Variants in TDRD12 observed in about 807,000 individuals in gnomAD.
TDRD12 encodes tudor domain containing 12, also known as putative ATP-dependent RNA helicase TDRD12.
Under a neutral mutation model 133.5 loss-of-function variants are expected in TDRD12, and 158 were observed. The ratio of observed to expected loss-of-function variants is 1.18; its 90% CI spans 1.04 to 1.35. TDRD12 has a LOEUF of 1.35. Ranked by LOEUF, TDRD12 falls within the 40% of genes most tolerant of loss-of-function variation. The probability of loss-of-function intolerance (pLI) is 0.00; values close to 1 mark genes in which losing one functional copy is unlikely to be tolerated. For synonymous variants in TDRD12, 460 were observed against 477.9 expected (o/e 0.96, Z 0.49); for missense variants, 1,443 against 1,321.3 (o/e 1.09, Z -1.43).
At chr19:32,738,146 TAAAG>T (rs756377265) in intron 2 of TDRD12, among the ~76,000 whole-genome samples, 117 of 151,808 alleles carry the variant, frequency 7.7e-4, no homozygotes, top group Non-Finnish European at 1.2e-3. Flanking sequence ...TCAAAAAAAA[TAAAG>T]AGTCATGGGT....
intron 8 of TDRD12, among the ~76,000 whole-genome samples, chr19:32,761,105 C>A (rs890676461): frequency 6.6e-6 from 1 of 151,956 alleles, no homozygotes; most frequent in African/African-American, 2.4e-5. Context: ...TTAGAGAAGA[C>A]GTTTCTTGTT....
chr19:32,763,365 C>T (rs771332150), intron 8 of TDRD12, among the ~76,000 whole-genome samples: 3 of 152,156 alleles, frequency 2.0e-5, no homozygotes, highest in Non-Finnish European at 2.9e-5. Context: ...TTGGGCTGCA[C>T]GCTTCTCAGG....
exon 13 of TDRD12, chr19:32,790,994 G>A (rs558477595): frequency 5.9e-6 from 9 of 1,536,082 alleles, no homozygotes; most frequent in African/African-American, 2.7e-5. Context: ...GCAGCCGCCC[G>A]TGGTAGTGCT....
chr19:32,790,909 C>G (rs1334999252), intron 12 of TDRD12, 55 bp from the exon 13 acceptor site: 1 of 1,513,656 alleles, frequency 6.6e-7, no homozygotes, highest in Non-Finnish European at 8.8e-7. Context: ...TTCTTGATCT[C>G]CTGTGCTGAC....
At chr19:32,720,622 A>C (rs1458095044) in intron 1 of TDRD12, among the ~76,000 whole-genome samples, 1 of 13,628 alleles carries the variant, frequency 7.3e-5, no homozygotes, top group African/African-American at 4.3e-4. Context: ...ATCGCTGCCC[A>C]CCCCACAGTC....
At chr19:32,797,836 A>G (rs769752571) in exon 15 of TDRD12, 22 of 702,522 alleles carry the variant, frequency 3.1e-5, no homozygotes, top group South Asian at 2.5e-4. Flanking sequence ...ATCCTGTGCT[A>G]TTAACAATTG....
chr19:32,824,967 T>C (rs1290223216), downstream of TDRD12, among the ~76,000 whole-genome samples: 1 of 152,146 alleles, frequency 6.6e-6, no homozygotes, highest in Non-Finnish European at 1.5e-5. Flanking sequence ...AGCGGTGTCT[T>C]GTTCTTGTTC....
intron 3 of TDRD12, among the ~76,000 whole-genome samples, chr19:32,741,769 CA>C (rs1168268518): frequency 2.6e-5 from 4 of 152,190 alleles, no homozygotes; most frequent in Non-Finnish European, 5.9e-5. Flanking sequence ...GTTTTTCGGC[CA>C]GGGGTGGTGG....
At chr19:32,789,296 C>G (rs1309144554) in intron 11 of TDRD12, among the ~76,000 whole-genome samples, 1 of 152,318 alleles carries the variant, frequency 6.6e-6, no homozygotes, top group East Asian at 1.9e-4. Flanking sequence ...AATATTGTCT[C>G]TAAAACATAG....
At chr19:32,803,443 T>C (rs1317437736) in intron 21 of TDRD12, among the ~76,000 whole-genome samples, 1 of 152,234 alleles carries the variant, frequency 6.6e-6, no homozygotes, top group Non-Finnish European at 1.5e-5. Flanking sequence ...TGTGTATCTA[T>C]GGTTTGTTTT....
intron 1 of TDRD12, among the ~76,000 whole-genome samples, chr19:32,723,320 G>A (rs979898117): frequency 2.7e-5 from 4 of 150,788 alleles, no homozygotes; most frequent in South Asian, 2.1e-4. Context: ...GTGTGATCTC[G>A]GCACAGTGCA....
intron 9 of TDRD12, 60 bp downstream of exon 32, chr19:32,826,809 C>A (rs1436591761): frequency 2.9e-6 from 3 of 1,049,574 alleles, no homozygotes; most frequent in Non-Finnish European, 3.6e-6. Context: ...GTGAGGGACA[C>A]CATCACCCAC....
intron 1 of TDRD12, among the ~76,000 whole-genome samples, chr19:32,721,531 G>T (rs952503290): frequency 1.3e-5 from 2 of 151,298 alleles, no homozygotes; most frequent in Non-Finnish European, 2.9e-5. Context: ...GATTACAGGT[G>T]CCTGCCACCA....
At chr19:32,751,778 C>G (rs192864290) in intron 6 of TDRD12, among the ~76,000 whole-genome samples, 50 of 152,104 alleles carry the variant, frequency 3.3e-4, no homozygotes, top group African/African-American at 1.1e-3. Flanking sequence ...AGGCTGGTCT[C>G]AACAGGCAGT....
chr19:32,724,675 C>T (rs1361433134), intron 1 of TDRD12, among the ~76,000 whole-genome samples: 1 of 152,116 alleles, frequency 6.6e-6, no homozygotes, highest in Non-Finnish European at 1.5e-5. Flanking sequence ...ACTAGTGCTA[C>T]AGTGAACATA....
At chr19:32,751,118 C>G (rs1240424817) in intron 6 of TDRD12, among the ~76,000 whole-genome samples, 2 of 149,342 alleles carry the variant, frequency 1.3e-5, no homozygotes, top group African/African-American at 5.0e-5. Flanking sequence ...TCCCCACCCC[C>G]CGACAGGCCC....
At chr19:32,785,055 T>A (rs1053527402) in intron 11 of TDRD12, among the ~76,000 whole-genome samples, 7 of 152,240 alleles carry the variant, frequency 4.6e-5, no homozygotes, top group African/African-American at 1.7e-4. Flanking sequence ...CTTGCTTCTC[T>A]AGTTCTCTTA....
intron 1 of TDRD12, among the ~76,000 whole-genome samples, chr19:32,721,650 G>A (rs1339785790): frequency 6.6e-6 from 1 of 150,928 alleles, no homozygotes; most frequent in East Asian, 1.9e-4. Context: ...AAAGTGCTGG[G>A]ATTACAGGCG....
chr19:32,751,943 A>G (rs1041844195), intron 6 of TDRD12, among the ~76,000 whole-genome samples: 2 of 151,870 alleles, frequency 1.3e-5, no homozygotes, highest in African/African-American at 4.8e-5. Context: ...GCGCAATCTC[A>G]GCTCACTGCA....
Sources: gnomAD v4.1 joint callset for allele counts (sites outside exome capture counted in the v4.1 genomes callset) on GRCh38, gnomAD v4.1.1 for gene constraint, MANE v1.5 for transcripts, NCBI Gene and HGNC (gene_info 2026-07-23, HGNC 2026-07-21) for gene names.